The following PCNX4 variants were observed in gnomAD, a reference collection of about 807,000 sequenced individuals.
PCNX4 encodes pecanex 4.
Under a neutral mutation model 107.2 loss-of-function variants are expected in PCNX4, and 103 were observed. The ratio of observed to expected loss-of-function variants is 0.96; its 90% CI spans 0.82 to 1.13. PCNX4 has a LOEUF of 1.13. Ranked by LOEUF, PCNX4 falls within the 50% of genes most tolerant of loss-of-function variation. The pLI is 0.00. For missense variants in PCNX4, 1,528 were observed against 1,379.4 expected, an observed-to-expected ratio of 1.11 and a Z score of -1.71; for synonymous variants, 541 against 481.7, an observed-to-expected ratio of 1.12 and a Z score of -1.61.
chr14:60,125,301 G>T, intron 9 of PCNX4, 50 bp downstream of exon 9: 1 of 1,407,184 alleles, frequency 7.1e-7, no homozygotes, highest in South Asian at 1.6e-5. Context: ...GAAAAATACT[G>T]ATTTTTCTAA....
intron 10 of PCNX4, among the ~76,000 whole-genome samples, chr14:60,130,969 A>G (rs940964748): frequency 1.3e-5 from 2 of 152,110 alleles, no homozygotes; most frequent in Non-Finnish European, 2.9e-5. Flanking sequence ...GATCGTGAGC[A>G]TGGAGCCCCA....
intron 1 of PCNX4, among the ~76,000 whole-genome samples, chr14:60,092,754 T>G (rs959092860): frequency 6.6e-5 from 10 of 152,192 alleles, no homozygotes; most frequent in Non-Finnish European, 1.2e-4. Flanking sequence ...TATCTCCAAC[T>G]AAACCTCTTT....
chr14:60,106,430 T>C (rs1895630560), intron 1 of PCNX4, among the ~76,000 whole-genome samples: 1 of 152,142 alleles, frequency 6.6e-6, no homozygotes, highest in African/African-American at 2.4e-5. Context: ...GATACAGTTA[T>C]TTTCCTGACT....
At chr14:60,110,980 TAGG>T (rs1339120902) in intron 2 of PCNX4, 1 of 167,010 alleles carries the variant, frequency 6.0e-6, no homozygotes, top group Admixed American at 6.5e-5. Context: ...TTAGTGCCCT[TAGG>T]AGAGATGCCA....
chr14:60,115,399 T>C lies in PCNX4; in HGVS notation c.1295T>C (p.Phe432Ser). 6.4e-7 allele frequency: 1 copy of C among 1,573,136 alleles called. No homozygotes were observed. Among genetic ancestry groups the C allele is most frequent in the Non-Finnish European group, 8.6e-7 (1 of 1,161,654 alleles). ...YPKDVQTVTV[F>S]FEKQTRLMKI... ...AAGGATGTGCAAACTGTGACTGTAT[T>C]CTTTGAGAAGCAAACTAGGCTCATG... Residue 432 changes from phenylalanine (F) to serine (S), a missense_variant, in exon 4 of 11, where the codon TTC (phenylalanine) becomes TCC (serine). Coordinates refer to ENST00000406854, the MANE Select transcript of PCNX4 (RefSeq NM_001330177.2).
At position 60,124,209 on chromosome 14, in the gene PCNX4, C is replaced by A. The variant is rs773256008; in HGVS notation, c.2047-9C>A. 5 of 1,529,260 alleles carry A rather than the reference C, an allele frequency of 3.3e-6. No individual in the cohort carries two copies. The East Asian group carries it at 9.4e-5, about 29-fold the overall frequency. The allele number at this position is 1,529,260 out of a possible 1,614,324, so 94.7% of individuals were successfully genotyped here. ...TTATAAACTCAAGTACTTTTTATTT[C>A]TTCTTTAGGGGTTAGAATTGCAGGA... On this transcript the variant is annotated splice_polypyrimidine_tract_variant and intron_variant, in intron 8 of 10. Coordinates refer to ENST00000406854, the MANE Select transcript of PCNX4 (RefSeq NM_001330177.2).
At chr14:60,112,641 C>A (rs931049563) in intron 2 of PCNX4, among the ~76,000 whole-genome samples, 6 of 152,034 alleles carry the variant, frequency 3.9e-5, no homozygotes, top group Non-Finnish European at 7.4e-5. Flanking sequence ...ATTTTATGAG[C>A]ATACATTATT....
chr14:60,103,495 C>T (rs552570044), intron 1 of PCNX4, among the ~76,000 whole-genome samples: 2 of 152,236 alleles, frequency 1.3e-5, no homozygotes, highest in African/African-American at 4.8e-5. Context: ...GATATATGAT[C>T]CTGTATCTTT....
intron 1 of PCNX4, 110 bp downstream of exon 1, chr14:60,092,529 T>G (rs955732664): frequency 1.3e-5 from 2 of 152,258 alleles, no homozygotes; most frequent in Non-Finnish European, 2.9e-5. Flanking sequence ...AAGAAACATA[T>G]TTTTCGTTTT....
intron 6 of PCNX4, among the ~76,000 whole-genome samples, chr14:60,116,641 A>C (rs141404303): frequency 6.6e-6 from 1 of 152,318 alleles, no homozygotes; most frequent in East Asian, 1.9e-4. Context: ...GACAATAAGC[A>C]ACTACTGGTT....
chr14:60,099,888 A>G (rs1429293086), intron 1 of PCNX4, among the ~76,000 whole-genome samples: 2 of 151,944 alleles, frequency 1.3e-5, no homozygotes, highest in Non-Finnish European at 2.9e-5. Flanking sequence ...ACGTAGTGAA[A>G]CACTATCTCT....
intron 10 of PCNX4, among the ~76,000 whole-genome samples, chr14:60,129,585 T>C (rs1283801050): frequency 6.6e-6 from 1 of 152,142 alleles, no homozygotes; most frequent in Non-Finnish European, 1.5e-5. Flanking sequence ...ACACAATAAA[T>C]GTATACTTGC....
At chr14:60,129,709 A>G (rs1443203769) in intron 10 of PCNX4, among the ~76,000 whole-genome samples, 1 of 152,248 alleles carries the variant, frequency 6.6e-6, no homozygotes. Flanking sequence ...AGTGCCACAG[A>G]AGGGAAGAAA....
At chr14:60,096,062 G>T (rs1004711225) in intron 1 of PCNX4, among the ~76,000 whole-genome samples, 1 of 152,130 alleles carries the variant, frequency 6.6e-6, no homozygotes, top group Non-Finnish European at 1.5e-5. Context: ...CCTAATATAA[G>T]CAATAAGCTT....
chr14:60,120,036 T>C (rs972991656), intron 7 of PCNX4, among the ~76,000 whole-genome samples: 6 of 152,226 alleles, frequency 3.9e-5, no homozygotes, highest in African/African-American at 1.4e-4. Flanking sequence ...AGAGAAATTC[T>C]AGTACATGTG....
At position 60,124,903 on chromosome 14, in the gene PCNX4, GCTTA is replaced by G. The variant is rs769506976; in HGVS notation, c.2734_2737del (p.Leu912ProfsTer14). 28 of 1,613,660 alleles carry G rather than the reference GCTTA, an allele frequency of 1.7e-5. No individual in the cohort carries two copies. The highest frequency in any genetic ancestry group is 2.2e-5 in the Non-Finnish European group (26 of 1,179,772). On this transcript the variant is annotated frameshift_variant, in exon 9 of 11. Transcript: ENST00000406854. LOFTEE classifies it high-confidence loss of function. ...AGTTGTTCACATTCTCACTTAGTATGCTTACCCGCAGAGTGGAGGACTAGCTGTA... is the reference window on the plus strand; with the variant it reads ...AGTTGTTCACATTCTCACTTAGTATGCCCGCAGAGTGGAGGACTAGCTGTA...
chr14:60,122,289 T>G (rs1895970009), intron 8 of PCNX4, among the ~76,000 whole-genome samples: 1 of 152,168 alleles, frequency 6.6e-6, no homozygotes, highest in Admixed American at 6.6e-5. Flanking sequence ...TCAAACCATG[T>G]CACTTCTGTA....
intron 1 of PCNX4, among the ~76,000 whole-genome samples, chr14:60,092,868 T>G (rs1370355664): frequency 6.6e-6 from 1 of 152,250 alleles, no homozygotes; most frequent in African/African-American, 2.4e-5. Context: ...GACCAGAATT[T>G]ACTCCAGTGA....
chr14:60,119,648 A>G (rs758302190), intron 7 of PCNX4, among the ~76,000 whole-genome samples: 5 of 152,208 alleles, frequency 3.3e-5, no homozygotes, highest in African/African-American at 9.6e-5. Flanking sequence ...ATTAATTTTC[A>G]TTATGTAATG....
Sources: allele counts gnomAD v4.1 joint callset (sites outside exome capture counted in the v4.1 genomes callset), GRCh38; gene constraint gnomAD v4.1.1; transcripts MANE v1.5; gene names NCBI Gene and HGNC (gene_info 2026-07-23, HGNC 2026-07-21).